Variants in SLC17A1 observed in about 807,000 individuals in gnomAD.
The protein encoded by SLC17A1 is solute carrier family 17 member 1.
SLC17A1 carries 51 observed loss-of-function variants against 53.5 expected under a neutral mutation model. That is an observed-to-expected ratio of 0.95 (90% CI 0.76 to 1.20). SLC17A1 has a LOEUF of 1.20. Among genes scored for constraint, SLC17A1 ranks in the 50% most tolerant of loss-of-function variants. The pLI, the probability that SLC17A1 is intolerant of heterozygous loss-of-function variation, is 0.00. For synonymous variants in SLC17A1, 179 were observed against 198.8 expected, an observed-to-expected ratio of 0.90 and a Z score of 0.84; for missense variants, 538 against 568.2, an observed-to-expected ratio of 0.95 and a Z score of 0.54.
chr6:25,731,584 C>T, the SLC17A1 span, among the ~76,000 whole-genome samples: 1 of 152,226 alleles, frequency 6.6e-6, no homozygotes, highest in East Asian at 1.9e-4. Context: ...TTCACCAATA[C>T]TGGGGCAGAT....
the SLC17A1 span, among the ~76,000 whole-genome samples, chr6:25,766,598 G>C: frequency 6.6e-6 from 1 of 152,156 alleles, no homozygotes; most frequent in Non-Finnish European, 1.5e-5. Flanking sequence ...CAACTCAACA[G>C]TAAGAAGTCT....
In SLC17A1 at chr6:25,826,673, T is replaced by C. The variant is rs1027891484; in HGVS notation, c.35-40A>G. ...AGAAAGTCGCAATTGCTGACAGAGC[T>C]GAGATAAAAACATACTTTAACTATA... On this transcript the variant is annotated intron_variant, in intron 2 of 12. Transcript: ENST00000244527. 8.2e-6 allele frequency: 12 copies of C among 1,469,172 alleles called. No individual in the cohort carries two copies. The East Asian group carries it at 2.7e-4, about 33-fold the overall frequency. The allele number at this position is 1,469,172 out of a possible 1,614,324, so 91.0% of individuals were successfully genotyped here.
the SLC17A1 span, chr6:25,731,989 C>G: frequency 1.9e-6 from 3 of 1,584,512 alleles, no homozygotes; most frequent in African/African-American, 4.0e-5. Flanking sequence ...ATACTCATGG[C>G]CTTGGAAGAG....
At chr6:25,820,629 C>A (rs533960729) in intron 3 of SLC17A1, among the ~76,000 whole-genome samples, 1 of 152,096 alleles carries the variant, frequency 6.6e-6, no homozygotes, top group South Asian at 2.1e-4. Flanking sequence ...GCCTGTAATC[C>A]CAGCACTTTG....
At chr6:25,820,727 A>G (rs971001463) in intron 3 of SLC17A1, among the ~76,000 whole-genome samples, 1 of 151,806 alleles carries the variant, frequency 6.6e-6, no homozygotes. Flanking sequence ...AGAAAACCCC[A>G]TCTCTACTAA....
the SLC17A1 span, chr6:25,727,158 C>CA: frequency 6.2e-7 from 1 of 1,614,180 alleles, no homozygotes; most frequent in Non-Finnish European, 8.5e-7. Context: ...ACGTTTGGCT[C>CA]ACTACAGCAA....
In SLC17A1 at chr6:25,820,756, G is replaced by T. The variant is rs191661266; in HGVS notation, c.208-841C>A. ...CTACTAAAAATACAAAAAATTAGCC[G>T]GGCGTGGTTGCAGGCACCTGTAGTC... On this transcript the variant is annotated intron_variant, in intron 3 of 12. Transcript: ENST00000244527. 2.2e-3 allele frequency among the ~76,000 whole-genome samples: 338 copies of T among 151,918 alleles called. 1 individual carries two copies. The highest frequency in any genetic ancestry group is 7.1e-3 in the African/African-American group (294 of 41,412).
the SLC17A1 span, among the ~76,000 whole-genome samples, chr6:25,735,216 T>C: frequency 6.6e-6 from 1 of 152,214 alleles, no homozygotes; most frequent in Non-Finnish European, 1.5e-5. Context: ...CAGAAAGCCA[T>C]AGTAAACATT....
chr6:25,747,779 C>T, the SLC17A1 span, among the ~76,000 whole-genome samples: 2 of 152,300 alleles, frequency 1.3e-5, no homozygotes, highest in Admixed American at 1.3e-4. Flanking sequence ...GAAGTGGGCC[C>T]TCATCAGATA....
At chr6:25,810,826 A>G (rs1764128898) in intron 10 of SLC17A1, among the ~76,000 whole-genome samples, 1 of 152,168 alleles carries the variant, frequency 6.6e-6, no homozygotes, top group African/African-American at 2.4e-5. Flanking sequence ...AGCATTATTC[A>G]CAATAGCCAA....
intron 6 of SLC17A1, among the ~76,000 whole-genome samples, chr6:25,818,437 T>C (rs1450711152): frequency 2.0e-5 from 3 of 152,236 alleles, no homozygotes; most frequent in Non-Finnish European, 4.4e-5. Context: ...CCTACCTTTT[T>C]AAGTGATCAC....
the SLC17A1 span, among the ~76,000 whole-genome samples, chr6:25,725,815 C>T: frequency 5.3e-5 from 8 of 152,222 alleles, no homozygotes; most frequent in African/African-American, 1.9e-4. Flanking sequence ...AAGCCCCAGG[C>T]TTGAACGACC....
At chr6:25,776,844 C>T in the SLC17A1 span, 4 of 1,613,886 alleles carry the variant, frequency 2.5e-6, no homozygotes, top group Admixed American at 5.0e-5. Context: ...CCTCGTGTCC[C>T]TGCCCTGGGT....
intron 12 of SLC17A1, among the ~76,000 whole-genome samples, chr6:25,785,101 C>T (rs1208181768): frequency 6.6e-6 from 1 of 152,124 alleles, no homozygotes; most frequent in Non-Finnish European, 1.5e-5. Context: ...TATTTCTATA[C>T]ACTTGCAATG....
In SLC17A1 at chr6:25,812,509, C is replaced by G. The variant is rs535940976; in HGVS notation, c.897+322G>C. On this transcript the variant is annotated intron_variant, in intron 8 of 12. Coordinates refer to ENST00000244527, the MANE Select transcript of SLC17A1 (RefSeq NM_005074.5). ...CTGGCTAAGTGACTTTCATAGGAGG[C>G]CCCCAGTCCCTGCAGGGAATGGTGG... is the stretch of plus-strand genomic sequence containing the variant. Among the ~76,000 whole-genome samples, 153 of 152,238 alleles carry G rather than the reference C, an allele frequency of 1.0e-3. 1 individual carries two copies. The highest frequency in any genetic ancestry group is 1.6e-3 in the Admixed American group (24 of 15,298).
the SLC17A1 span, chr6:25,731,965 C>T: frequency 1.3e-6 from 2 of 1,596,184 alleles, no homozygotes; most frequent in Non-Finnish European, 1.7e-6. Context: ...ATGTCACTAA[C>T]AAAAGAATTC....
chr6:25,727,366 G>A, the SLC17A1 span: 9 of 1,358,038 alleles, frequency 6.6e-6, no homozygotes, highest in Non-Finnish European at 9.0e-6. Flanking sequence ...AACAGCTGTG[G>A]GCTTCGTTTT....
chr6:25,803,589 C>G (rs1385142013), intron 10 of SLC17A1, among the ~76,000 whole-genome samples: 2 of 152,010 alleles, frequency 1.3e-5, no homozygotes, highest in African/African-American at 4.8e-5. Context: ...TTGAAAAGAG[C>G]AAGTTTTTTG....
At chr6:25,750,093 C>T in the SLC17A1 span, among the ~76,000 whole-genome samples, 1 of 152,144 alleles carries the variant, frequency 6.6e-6, no homozygotes, top group African/African-American at 2.4e-5. Flanking sequence ...TAGGGTGTTG[C>T]CATAGATTAA....
Sources: allele counts gnomAD v4.1 joint callset (sites outside exome capture counted in the v4.1 genomes callset), GRCh38; gene constraint gnomAD v4.1.1; transcripts MANE v1.5; gene names NCBI Gene and HGNC (gene_info 2026-07-23, HGNC 2026-07-21).